GLS: variants seen among roughly 807,000 people sequenced by gnomAD.
GLS encodes the protein glutaminase kidney isoform, mitochondrial.
Under a neutral mutation model 86.7 loss-of-function variants are expected in GLS, and 36 were observed. The ratio of observed to expected loss-of-function variants is 0.42; its 90% CI spans 0.32 to 0.55. GLS has a LOEUF of 0.55. Among genes scored for constraint, GLS ranks in the 20% least tolerant of loss-of-function variants. GLS has a pLI of 0.17. For synonymous variants in GLS, 317 were observed against 305.9 expected (o/e 1.04, Z -0.38); for missense variants, 528 against 833.4 (o/e 0.63, Z 4.51).
chr2:190,931,780 T>C, intron 14 of GLS, 143 bp downstream of exon 14: 2 of 485,260 alleles, frequency 4.1e-6, no homozygotes, highest in Non-Finnish European at 7.4e-6. Flanking sequence ...ATTGTTGACA[T>C]ATAAATCCGG....
At position 190,881,398 on chromosome 2, in the gene GLS, C is replaced by G; in HGVS notation, c.314C>G (p.Pro105Arg). 6.5e-7 allele frequency: 1 copy of G among 1,542,856 alleles called. No homozygotes were observed. Among genetic ancestry groups the G allele is most frequent in the Non-Finnish European group, 8.7e-7 (1 of 1,144,122 alleles). ...SPPAAPAAPG[P>R]KDGPGETDAF... ...CCCGCTGCCCCGGCGGCGCCCGGCC[C>G]CAAGGACGGCCCCGGGGAGACGGAC... The change falls in exon 1 of 18, where the codon CCC (proline) becomes CGC (arginine). Residue 105 changes from proline (P) to arginine (R), a missense_variant. Around this residue, in one of 4 missense-constraint regions of GLS, gnomAD observed 224 missense variants for 187.9 expected, o/e 1.19. Coordinates refer to ENST00000320717, the MANE Select transcript of GLS (RefSeq NM_014905.5).
At chr2:190,944,196 A>ATT (rs5837212) in intron 14 of GLS, among the ~76,000 whole-genome samples, 1,791 of 147,268 alleles carry the variant, frequency 0.012, 14 homozygotes, top group Non-Finnish European at 0.015. Context: ...AATGGCCTGG[A>ATT]TTTTTTTTTT....
chr2:190,916,830 G>A (rs1689549542), intron 7 of GLS, among the ~76,000 whole-genome samples: 1 of 152,098 alleles, frequency 6.6e-6, no homozygotes, highest in African/African-American at 2.4e-5. Flanking sequence ...TATAGTAAGT[G>A]TGCAGTAGTA....
Position 190,965,549 on chromosome 2 carries a change from A to C in GLS, c.*2563A>C, listed in dbSNP as rs1199596477. On this transcript the variant is annotated 3_prime_UTR_variant, in exon 18 of 18. Transcript: ENST00000320717. This position sits in a 1 kb window ranked among gnomAD's most constrained non-coding sequence, Gnocchi z 5.0. The stretch of plus-strand genomic sequence containing the variant: ...CATAATAAATATATGTATCAAAAAA[A>C]AAACTGTGTGGAAAAAATGAATTTT... 1 of 152,522 alleles carries C rather than the reference A, an allele frequency of 6.6e-6. No individual in the cohort carries two copies. The highest frequency in any genetic ancestry group is 6.5e-5 in the Admixed American group (1 of 15,284). 9.4% of individuals were successfully genotyped at this position (152,522 alleles called of 1,614,324 possible).
chr2:190,939,208 A>G (rs780152689), intron 14 of GLS, among the ~76,000 whole-genome samples: 11 of 151,800 alleles, frequency 7.2e-5, no homozygotes, highest in Middle Eastern at 3.4e-3. Context: ...TACTCTGTCT[A>G]TAGTACATGT....
rs1404215230 is a variant in GLS at position 190,938,106 on chromosome 2, C to A, written c.1650+6469C>A. Among the ~76,000 whole-genome samples the A allele has an allele frequency of 6.6e-6, 1 of 151,048 alleles. No homozygotes were observed. Among genetic ancestry groups the A allele is most frequent in the Admixed American group, 6.6e-5 (1 of 15,160 alleles). On this transcript the variant is annotated intron_variant, in intron 14 of 17. Coordinates refer to ENST00000320717, the MANE Select transcript of GLS (RefSeq NM_014905.5). This position sits in a 1 kb window ranked among gnomAD's most constrained non-coding sequence, Gnocchi z 4.1. ...CACATCTCAATGGCAAAGAATAATTCATTGTATTTATTTTTAAGCCATATT... is the reference window on the plus strand; with the variant it reads ...CACATCTCAATGGCAAAGAATAATTAATTGTATTTATTTTTAAGCCATATT...
chr2:190,955,634 G>A lies in GLS; in HGVS notation c.1853+816G>A, dbSNP rs1463077677. ...AGTAGAATGATTTATAATCTTTTGGGTATATACCCAGTAATGGGATTGCTG... is the reference window on the plus strand; with the variant it reads ...AGTAGAATGATTTATAATCTTTTGGATATATACCCAGTAATGGGATTGCTG... On this transcript the variant is annotated intron_variant, in intron 17 of 17. Transcript: ENST00000320717. The surrounding 1 kb of genome is among the most constrained non-coding windows in gnomAD (Gnocchi z 5.6). 6.6e-6 allele frequency among the ~76,000 whole-genome samples: 1 copy of A among 152,154 alleles called. No homozygotes were observed. Among genetic ancestry groups the A allele is most frequent in the Admixed American group, 6.5e-5 (1 of 15,274 alleles).
At position 190,895,069 on chromosome 2, in the gene GLS, TGGTTA is replaced by T; in HGVS notation, c.387-82_387-78del. 1 of 665,502 alleles carries T rather than the reference TGGTTA, an allele frequency of 1.5e-6. No homozygotes were observed. The highest frequency in any genetic ancestry group is 2.7e-6 in the Non-Finnish European group (1 of 364,024). The allele number at this position is 665,502 out of a possible 1,614,324, so 41.2% of individuals were successfully genotyped here. On this transcript the variant is annotated intron_variant, in intron 1 of 17. Coordinates refer to ENST00000320717, the MANE Select transcript of GLS (RefSeq NM_014905.5). This position sits in a 1 kb window ranked among gnomAD's most constrained non-coding sequence, Gnocchi z 4.2. The stretch of plus-strand genomic sequence containing the variant: ...TGAGCTCAGCTGTAGTCTAGTTTAG[TGGTTA>T]TTTAACAATGGATTTAGTTAAAAAT...
chr2:190,960,089 A>T (rs1690963344), intron 17 of GLS, among the ~76,000 whole-genome samples: 3 of 152,138 alleles, frequency 2.0e-5, no homozygotes, highest in African/African-American at 7.2e-5. Flanking sequence ...GATGTCAACA[A>T]AGTGGTCAGG....
chr2:190,921,074 T>C lies in GLS; in HGVS notation c.1071+18T>C. On this transcript the variant is annotated intron_variant, in intron 8 of 17. Coordinates refer to ENST00000320717, the MANE Select transcript of GLS (RefSeq NM_014905.5). This position sits in a 1 kb window ranked among gnomAD's most constrained non-coding sequence, Gnocchi z 4.2. ...TTGACTATGTAAGTGCAACATGTCA[T>C]TCAGTTTTCATGCCACATTCTCTAT... is the stretch of plus-strand genomic sequence containing the variant. The C allele has an allele frequency of 1.3e-6, 2 of 1,584,850 alleles. No individual in the cohort carries two copies. Among genetic ancestry groups the C allele is most frequent in the Non-Finnish European group, 1.7e-6 (2 of 1,154,120 alleles).
chr2:190,932,150 A>T (rs1690126057), intron 14 of GLS, among the ~76,000 whole-genome samples: 1 of 151,980 alleles, frequency 6.6e-6, no homozygotes, highest in Non-Finnish European at 1.5e-5. Context: ...CTGTAGATGA[A>T]ATATTTTTTT....
At chr2:190,909,273 A>G (rs1452734589) in intron 6 of GLS, among the ~76,000 whole-genome samples, 1 of 152,192 alleles carries the variant, frequency 6.6e-6, no homozygotes, top group Non-Finnish European at 1.5e-5. Context: ...GCATTGTGGA[A>G]TGGCTAAATC....
In GLS at chr2:190,930,476, C is replaced by G. The variant is rs899300977; in HGVS notation, c.1465C>G (p.Leu489Val). 1.2e-6 allele frequency: 2 copies of G among 1,608,732 alleles called. No individual in the cohort carries two copies. The highest frequency in any genetic ancestry group is 1.7e-6 in the Non-Finnish European group (2 of 1,175,262). Residue 489 changes from leucine (L) to valine (V), a missense_variant, in exon 13 of 18, where the codon CTT (leucine) becomes GTT (valine). By Grantham distance (32) the Leu-to-Val change is conservative. Coordinates refer to ENST00000320717, the MANE Select transcript of GLS (RefSeq NM_014905.5). This position sits in a 1 kb window ranked among gnomAD's most constrained non-coding sequence, Gnocchi z 5.0. ...PAKSGVAGGI[L>V]LVVPNVMGMM... ...AAAATCTGGAGTTGCTGGGGGCATT[C>G]TTTTAGTTGTCCCCAATGTTATGGG...
intron 1 of GLS, among the ~76,000 whole-genome samples, chr2:190,889,606 C>T (rs763323247): frequency 2.6e-5 from 4 of 152,088 alleles, no homozygotes; most frequent in Non-Finnish European, 5.9e-5. Flanking sequence ...TTAAAGGATA[C>T]TTGGCTGAAG....
At position 190,936,369 on chromosome 2, in the gene GLS, A is replaced by G. The variant is rs556948842; in HGVS notation, c.1650+4732A>G. Among the ~76,000 whole-genome samples, 3 of 151,280 alleles carry G rather than the reference A, an allele frequency of 2.0e-5. No individual in the cohort carries two copies. The East Asian group carries it at 5.8e-4, about 29-fold the overall frequency. On this transcript the variant is annotated intron_variant, in intron 14 of 17. Coordinates refer to ENST00000320717, the MANE Select transcript of GLS (RefSeq NM_014905.5). The stretch of plus-strand genomic sequence containing the variant: ...CATATGTATATACGTTTGTGCATAC[A>G]TATATATGATTTCCTTATCTATGTA...
chr2:190,923,135 C>A (rs1689798878), intron 9 of GLS, among the ~76,000 whole-genome samples: 1 of 152,170 alleles, frequency 6.6e-6, no homozygotes, highest in African/African-American at 2.4e-5. Context: ...CTTAATAGAT[C>A]AGTCATCACT....
chr2:190,957,928 A>T (rs1690899592), intron 17 of GLS, among the ~76,000 whole-genome samples: 2 of 152,136 alleles, frequency 1.3e-5, no homozygotes, highest in African/African-American at 4.8e-5. Flanking sequence ...TCATAAAATG[A>T]GTTAGGGAGG....
rs760364679 is a variant in GLS at position 190,930,772 on chromosome 2, A to T, written c.1557+204A>T. Among the ~76,000 whole-genome samples the T allele has an allele frequency of 1.3e-5, 2 of 152,190 alleles. No individual in the cohort carries two copies. Among genetic ancestry groups the T allele is most frequent in the Non-Finnish European group, 2.9e-5 (2 of 68,032 alleles). ...TCCCATTTAATTATTCCCACAGATT[A>T]TATTTGTTAGATGCTAATATTTTAA... On this transcript the variant is annotated intron_variant, in intron 13 of 17. Transcript: ENST00000320717. The surrounding 1 kb of genome is among the most constrained non-coding windows in gnomAD (Gnocchi z 5.0).
chr2:190,939,838 G>C (rs114054881), intron 14 of GLS, among the ~76,000 whole-genome samples: 1 of 151,604 alleles, frequency 6.6e-6, no homozygotes, highest in African/African-American at 2.4e-5. Context: ...CTGTTGTTTT[G>C]TTCTTTCTCA....
Sources: allele counts gnomAD v4.1 joint callset (sites outside exome capture counted in the v4.1 genomes callset), GRCh38; gene constraint gnomAD v4.1.1; regional missense constraint gnomAD v4.1.1; non-coding constraint Gnocchi (gnomAD v3.1); transcripts MANE v1.5; gene names NCBI Gene and HGNC (gene_info 2026-07-23, HGNC 2026-07-21).